ENTREP1: variants seen among roughly 807,000 people sequenced by gnomAD.
ENTREP1 encodes the protein Friedreich ataxia region gene X123.
the ENTREP1 span, chr9:69,383,634 G>A: frequency 6.2e-7 from 1 of 1,614,106 alleles, no homozygotes; most frequent in Non-Finnish European, 8.5e-7. Context: ...TCCTAGGATG[G>A]TTGGTCCTGA....
chr9:69,348,631 C>T, the ENTREP1 span, among the ~76,000 whole-genome samples: 1 of 152,176 alleles, frequency 6.6e-6, no homozygotes, highest in African/African-American at 2.4e-5. Flanking sequence ...CTCAGGAAAC[C>T]ACTAATGTAC....
the ENTREP1 span, among the ~76,000 whole-genome samples, chr9:69,376,571 G>C: frequency 6.6e-6 from 1 of 152,166 alleles, no homozygotes; most frequent in African/African-American, 2.4e-5. Flanking sequence ...GTCCACTTCT[G>C]CCGGTTTTCT....
chr9:69,388,040 G>A, the ENTREP1 span: 1 of 1,586,848 alleles, frequency 6.3e-7, no homozygotes, highest in South Asian at 1.1e-5. Context: ...GATGTGCATG[G>A]CTATCAGCAT....
At chr9:69,377,862 T>A in the ENTREP1 span, 2 of 1,216,672 alleles carry the variant, frequency 1.6e-6, no homozygotes, top group South Asian at 3.5e-5. Context: ...AAAAGAAAAA[T>A]TTTTCCTGAC....
the ENTREP1 span, among the ~76,000 whole-genome samples, chr9:69,360,289 A>T: frequency 6.6e-6 from 1 of 152,196 alleles, no homozygotes; most frequent in Admixed American, 6.5e-5. Flanking sequence ...ACTTCAACCA[A>T]TTTCCAAAGG....
At chr9:69,378,171 C>A in the ENTREP1 span, among the ~76,000 whole-genome samples, 262 of 152,168 alleles carry the variant, frequency 1.7e-3, no homozygotes, top group African/African-American at 6.1e-3. Flanking sequence ...TGTAATTTGA[C>A]ATGATTGAGA....
the ENTREP1 span, chr9:69,383,839 G>C: frequency 6.3e-7 from 1 of 1,581,818 alleles, no homozygotes; most frequent in Non-Finnish European, 8.7e-7. Flanking sequence ...TGCCCCCAGA[G>C]AACAGCAGGG....
the ENTREP1 span, among the ~76,000 whole-genome samples, chr9:69,331,044 GT>G: frequency 0.74 from 112,648 of 151,774 alleles, 41,976 homozygotes; most frequent in South Asian, 0.8. Context: ...TTCTCAATTT[GT>G]TTTTTTTAAT....
chr9:69,354,447 AG>A, the ENTREP1 span, among the ~76,000 whole-genome samples: 2 of 151,936 alleles, frequency 1.3e-5, no homozygotes, highest in African/African-American at 4.8e-5. Context: ...TAGTAGAGAC[AG>A]GGTTTCACCA....
the ENTREP1 span, among the ~76,000 whole-genome samples, chr9:69,384,299 T>C: frequency 5.9e-5 from 9 of 152,314 alleles, no homozygotes; most frequent in East Asian, 1.5e-3. Flanking sequence ...TTTCTCCAGA[T>C]ACAAAAATAC....
the ENTREP1 span, chr9:69,377,431 C>A: frequency 6.2e-7 from 1 of 1,614,128 alleles, no homozygotes. Context: ...TTGGTGGCCG[C>A]TGCCCTCCGC....
chr9:69,342,690 G>A, the ENTREP1 span, among the ~76,000 whole-genome samples: 1 of 152,198 alleles, frequency 6.6e-6, no homozygotes, highest in African/African-American at 2.4e-5. Flanking sequence ...AACACATTAT[G>A]AATTATTTTT....
the ENTREP1 span, among the ~76,000 whole-genome samples, chr9:69,332,418 G>A: frequency 1.3e-5 from 2 of 152,180 alleles, no homozygotes; most frequent in African/African-American, 4.8e-5. Flanking sequence ...AAATGGAAAT[G>A]ACATTCTTAG....
the ENTREP1 span, chr9:69,392,440 A>G: frequency 1.3e-5 from 2 of 152,982 alleles, no homozygotes; most frequent in African/African-American, 2.4e-5. Flanking sequence ...GAGAATAAAC[A>G]TGTTTACTTT....
the ENTREP1 span, chr9:69,388,212 T>A: frequency 6.2e-7 from 1 of 1,614,188 alleles, no homozygotes; most frequent in Non-Finnish European, 8.5e-7. Context: ...AGACTGGATC[T>A]GGCTGCAGTG....
chr9:69,384,691 G>T, the ENTREP1 span, among the ~76,000 whole-genome samples: 51 of 152,262 alleles, frequency 3.3e-4, no homozygotes, highest in African/African-American at 1.2e-3. Context: ...CTCTCTTTGG[G>T]GAGGTTTTAA....
the ENTREP1 span, among the ~76,000 whole-genome samples, chr9:69,375,102 A>G: frequency 1.3e-5 from 2 of 152,276 alleles, no homozygotes; most frequent in Non-Finnish European, 2.9e-5. Context: ...TTTGCCATCC[A>G]GACTGGCTCA....
At chr9:69,339,699 G>A in the ENTREP1 span, among the ~76,000 whole-genome samples, 1 of 152,278 alleles carries the variant, frequency 6.6e-6, no homozygotes, top group African/African-American at 2.4e-5. Context: ...GCTGATTAGA[G>A]TTCTGTCCCC....
chr9:69,353,514 G>A, the ENTREP1 span, among the ~76,000 whole-genome samples: 3 of 152,112 alleles, frequency 2.0e-5, no homozygotes, highest in Non-Finnish European at 2.9e-5. Flanking sequence ...AAGTTAAAAC[G>A]TTCTTCTGCA....
Sources: gnomAD v4.1 joint callset for allele counts (sites outside exome capture counted in the v4.1 genomes callset) on GRCh38, gnomAD v4.1.1 for gene constraint, MANE v1.5 for transcripts, NCBI Gene and HGNC (gene_info 2026-07-23, HGNC 2026-07-21) for gene names.